Variants in MYRIP observed in about 807,000 individuals in gnomAD.
MYRIP encodes the protein rab effector MyRIP.
MYRIP carries 49 observed loss-of-function variants against 98.0 expected under a neutral mutation model. The observed-to-expected ratio is 0.50, with a 90% confidence interval of 0.40 to 0.63. The LOEUF (loss-of-function observed/expected upper bound fraction) is 0.63, where lower values mean the gene tolerates loss of function less well. Among genes scored for constraint, MYRIP ranks in the 30% least tolerant of loss-of-function variants. The pLI, the probability that MYRIP is intolerant of heterozygous loss-of-function variation, is 0.00. For missense variants in MYRIP, 1,004 were observed against 1,058.2 expected, an observed-to-expected ratio of 0.95 and a Z score of 0.71; for synonymous variants, 404 against 409.5, an observed-to-expected ratio of 0.99 and a Z score of 0.16.
At chr3:39,913,740 C>T (rs1273343943) in intron 2 of MYRIP, among the ~76,000 whole-genome samples, 1 of 152,106 alleles carries the variant, frequency 6.6e-6, no homozygotes, top group Non-Finnish European at 1.5e-5. Flanking sequence ...ACGTGCAGAC[C>T]AAAACAGACC....
At chr3:39,943,790 G>A (rs556416848) in intron 2 of MYRIP, among the ~76,000 whole-genome samples, 8 of 152,106 alleles carry the variant, frequency 5.3e-5, no homozygotes, top group East Asian at 1.9e-4. Flanking sequence ...CTAGCTTTCC[G>A]CTGCTATTAT....
intron 4 of MYRIP, among the ~76,000 whole-genome samples, chr3:40,159,689 C>G (rs1351356123): frequency 2.0e-5 from 3 of 152,062 alleles, no homozygotes; most frequent in Non-Finnish European, 4.4e-5. Context: ...AGGCTTTGCT[C>G]ATTTCTTTTC....
rs532230766 is a variant in MYRIP at position 39,914,989 on chromosome 3, T to C, written c.110+14063T>C. On this transcript the variant is annotated intron_variant, in intron 2 of 16. Coordinates refer to ENST00000302541, the MANE Select transcript of MYRIP (RefSeq NM_015460.4). ...GCTACCACCATCACAAGAATGCAAA[T>C]GTGTTCTAATGGTGATTTACATATT... Among the ~76,000 whole-genome samples, 20 of 152,184 alleles carry C rather than the reference T, an allele frequency of 1.3e-4. 1 individual carries two copies. In the Middle Eastern group the frequency reaches 0.017, roughly 129 times the overall value.
intron 1 of MYRIP, among the ~76,000 whole-genome samples, chr3:39,886,047 C>A (rs7621626): frequency 0.016 from 2,507 of 152,114 alleles, 25 homozygotes; most frequent in Middle Eastern, 0.031. Context: ...TGAGGAACTG[C>A]GTTCCAATTT....
chr3:39,922,662 A>G (rs948428378), intron 2 of MYRIP, among the ~76,000 whole-genome samples: 4 of 152,306 alleles, frequency 2.6e-5, no homozygotes, highest in East Asian at 1.9e-4. Context: ...ACAGAGGTCA[A>G]ATGAGGACCC....
intron 3 of MYRIP, among the ~76,000 whole-genome samples, chr3:40,097,479 G>T (rs531875497): frequency 6.8e-4 from 103 of 152,110 alleles, no homozygotes; most frequent in African/African-American, 2.4e-3. Context: ...AAAAAAAAAA[G>T]TCCCCTCTCA....
At chr3:40,182,890 C>T (rs1476186472) in intron 9 of MYRIP, among the ~76,000 whole-genome samples, 1 of 152,206 alleles carries the variant, frequency 6.6e-6, no homozygotes, top group African/African-American at 2.4e-5. Context: ...GCCACTATAA[C>T]AAGTAAACTG....
chr3:39,900,949 C>G, intron 2 of MYRIP, 23 bp downstream of exon 2: 1 of 1,565,328 alleles, frequency 6.4e-7, no homozygotes, highest in Non-Finnish European at 8.8e-7. Flanking sequence ...TTTTGCTCAG[C>G]AGCGTACAGC....
At chr3:40,194,660 A>G (rs1455288487) in intron 10 of MYRIP, among the ~76,000 whole-genome samples, 9 of 152,194 alleles carry the variant, frequency 5.9e-5, no homozygotes, top group African/African-American at 2.2e-4. Flanking sequence ...TCTACTTCAG[A>G]ATAATTGATA....
intron 2 of MYRIP, among the ~76,000 whole-genome samples, chr3:39,962,975 A>G (rs1426664866): frequency 6.6e-6 from 1 of 152,174 alleles, no homozygotes; most frequent in Non-Finnish European, 1.5e-5. Context: ...ATGAGAGAAC[A>G]TACACATAAG....
chr3:39,974,730 C>A (rs983521453), intron 2 of MYRIP, among the ~76,000 whole-genome samples: 1 of 152,126 alleles, frequency 6.6e-6, no homozygotes, highest in African/African-American at 2.4e-5. Flanking sequence ...CCCTGGGATG[C>A]AAGGCTGGTT....
chr3:40,030,157 GGAAA>G (rs1442055222), intron 2 of MYRIP, among the ~76,000 whole-genome samples: 1 of 151,540 alleles, frequency 6.6e-6, no homozygotes, highest in Non-Finnish European at 1.5e-5. Flanking sequence ...GGGAAAGAAA[GGAAA>G]GAAAGAAGGA....
At chr3:40,123,871 T>C (rs1219622591) in intron 3 of MYRIP, among the ~76,000 whole-genome samples, 2 of 152,186 alleles carry the variant, frequency 1.3e-5, no homozygotes, top group East Asian at 3.9e-4. Flanking sequence ...GGCCAGTTCC[T>C]CCCTATTTCA....
intron 2 of MYRIP, among the ~76,000 whole-genome samples, chr3:39,983,874 A>G (rs559065971): frequency 5.9e-5 from 9 of 152,352 alleles, no homozygotes; most frequent in African/African-American, 1.9e-4. Context: ...GTGTCAGGAA[A>G]TAATACCCCC....
At chr3:39,930,320 C>T (rs2125699209) in intron 2 of MYRIP, among the ~76,000 whole-genome samples, 1 of 152,012 alleles carries the variant, frequency 6.6e-6, no homozygotes, top group South Asian at 2.1e-4. Flanking sequence ...TTCCCACAGG[C>T]TTATTGGCCA....
chr3:39,979,650 C>CAAAAAAAAAAAAAAAAAAAA (rs1400253573), intron 2 of MYRIP, among the ~76,000 whole-genome samples: 4 of 79,032 alleles, frequency 5.1e-5, no homozygotes, highest in Admixed American at 1.4e-4. Context: ...AAAACCAAAA[C>CAAAAAAAAAAAAAAAAAAAA]AAAACAAAAA....
At chr3:39,827,905 A>G (rs1015992082) in intron 1 of MYRIP, among the ~76,000 whole-genome samples, 13 of 151,902 alleles carry the variant, frequency 8.6e-5, no homozygotes, top group Non-Finnish European at 1.5e-4. Context: ...TACTTTGGAT[A>G]TATCATTCCA....
At chr3:39,892,322 T>C (rs556741583) in intron 1 of MYRIP, among the ~76,000 whole-genome samples, 6 of 152,162 alleles carry the variant, frequency 3.9e-5, no homozygotes, top group South Asian at 2.1e-4. Context: ...AATTTAAGAA[T>C]TGAAGGCTGA....
rs116382190 is a variant in MYRIP, at chr3:39,924,584, T to A, written c.110+23658T>A. 8.2e-3 allele frequency among the ~76,000 whole-genome samples: 1,249 copies of A among 152,024 alleles called. 4 individuals are homozygous for A. The highest frequency in any genetic ancestry group is 0.02 in the Middle Eastern group (6 of 294). On this transcript the variant is annotated intron_variant, in intron 2 of 16. Coordinates refer to ENST00000302541, the MANE Select transcript of MYRIP (RefSeq NM_015460.4). ...ACAACCGATAGAACAAACAGGGAGA[T>A]AATCAACAAGGATGTAGAAAAAATC...
Sources: gnomAD v4.1 joint callset for allele counts (sites outside exome capture counted in the v4.1 genomes callset) on GRCh38, gnomAD v4.1.1 for gene constraint, MANE v1.5 for transcripts, NCBI Gene and HGNC (gene_info 2026-07-23, HGNC 2026-07-21) for gene names.